The following REDIC1 variants were observed in gnomAD, a reference collection of about 807,000 sequenced individuals.
The protein encoded by REDIC1 is regulator of DNA class I crossover intermediates 1.
chr12:39,709,359 A>C, the REDIC1 span, among the ~76,000 whole-genome samples: 1 of 151,030 alleles, frequency 6.6e-6, no homozygotes, highest in African/African-American at 2.4e-5. Flanking sequence ...GTCTTTTTGC[A>C]TTATTGTTGC....
the REDIC1 span, among the ~76,000 whole-genome samples, chr12:39,708,297 A>G: frequency 6.6e-6 from 1 of 151,834 alleles, no homozygotes; most frequent in Admixed American, 6.6e-5. Context: ...CCTACTATGT[A>G]TCCACAAAAA....
the REDIC1 span, among the ~76,000 whole-genome samples, chr12:39,885,754 G>T: frequency 6.6e-6 from 1 of 152,082 alleles, no homozygotes; most frequent in Non-Finnish European, 1.5e-5. Context: ...GAGCAACATG[G>T]TTCTCAAACT....
chr12:39,900,913 G>A, the REDIC1 span, among the ~76,000 whole-genome samples: 4 of 152,144 alleles, frequency 2.6e-5, no homozygotes, highest in African/African-American at 9.7e-5. Flanking sequence ...AAAGCTGGAG[G>A]CATCACGCTA....
At chr12:39,903,068 A>G in the REDIC1 span, among the ~76,000 whole-genome samples, 8 of 152,166 alleles carry the variant, frequency 5.3e-5, no homozygotes, top group Admixed American at 5.2e-4. Context: ...TTAAAAGGCC[A>G]TAGGAACATC....
the REDIC1 span, among the ~76,000 whole-genome samples, chr12:39,801,065 G>GA: frequency 1.4e-4 from 4 of 29,430 alleles, no homozygotes; most frequent in East Asian, 2.8e-3. Flanking sequence ...ATGGACACAG[G>GA]AGGGGGAATA....
chr12:39,856,497 T>G, the REDIC1 span, among the ~76,000 whole-genome samples: 2 of 152,204 alleles, frequency 1.3e-5, no homozygotes, highest in Non-Finnish European at 2.9e-5. Flanking sequence ...GCCTCCCTAG[T>G]AGCTGGGACT....
the REDIC1 span, among the ~76,000 whole-genome samples, chr12:39,814,360 A>G: frequency 1.3e-5 from 2 of 152,184 alleles, no homozygotes; most frequent in Non-Finnish European, 2.9e-5. Context: ...ACTAGCCTAA[A>G]CTTTTTCCAA....
At chr12:39,754,137 T>G in the REDIC1 span, 5 of 152,138 alleles carry the variant, frequency 3.3e-5, no homozygotes, top group African/African-American at 1.2e-4. Context: ...AGACTTTTGG[T>G]GTAGTCACTG....
the REDIC1 span, among the ~76,000 whole-genome samples, chr12:39,729,946 T>A: frequency 6.6e-6 from 1 of 152,230 alleles, no homozygotes; most frequent in Non-Finnish European, 1.5e-5. Context: ...TCTTTGTTTG[T>A]TTAAAGTCTG....
chr12:39,713,381 T>C, the REDIC1 span, among the ~76,000 whole-genome samples: 2 of 143,342 alleles, frequency 1.4e-5, no homozygotes, highest in Admixed American at 6.9e-5. Context: ...CATATACATA[T>C]GTATGTGTGT....
chr12:39,659,688 A>ATTT, the REDIC1 span, among the ~76,000 whole-genome samples: 1 of 36,010 alleles, frequency 2.8e-5, no homozygotes, highest in African/African-American at 1.6e-4. Context: ...TAGTTATGAT[A>ATTT]ACTTTTAATG....
chr12:39,705,564 A>G, the REDIC1 span, among the ~76,000 whole-genome samples: 1 of 152,172 alleles, frequency 6.6e-6, no homozygotes, highest in Non-Finnish European at 1.5e-5. Context: ...AATCTTCAAC[A>G]AAATACTAGC....
At chr12:39,627,733 A>G in the REDIC1 span, among the ~76,000 whole-genome samples, 6 of 152,132 alleles carry the variant, frequency 3.9e-5, no homozygotes, top group Non-Finnish European at 8.8e-5. Context: ...ATTTATACAA[A>G]CGTCGAAGTC....
the REDIC1 span, among the ~76,000 whole-genome samples, chr12:39,693,023 A>G: frequency 1.3e-4 from 20 of 152,092 alleles, no homozygotes; most frequent in Non-Finnish European, 2.1e-4. Flanking sequence ...CTGATTACTA[A>G]TTAGGTTAAT....
chr12:39,885,855 C>T, the REDIC1 span, among the ~76,000 whole-genome samples: 1 of 152,150 alleles, frequency 6.6e-6, no homozygotes, highest in Non-Finnish European at 1.5e-5. Context: ...TCCTCCTACC[C>T]AGGATTCTGA....
the REDIC1 span, among the ~76,000 whole-genome samples, chr12:39,896,578 G>A: frequency 2.9e-4 from 41 of 141,838 alleles, 1 homozygote; most frequent in South Asian, 2.6e-3. Flanking sequence ...GTATGTATGT[G>A]TGTATATATG....
chr12:39,664,861 G>A, the REDIC1 span, among the ~76,000 whole-genome samples: 1 of 152,176 alleles, frequency 6.6e-6, no homozygotes, highest in African/African-American at 2.4e-5. Context: ...TCTGTTGGCT[G>A]CATAAATGTC....
chr12:39,837,586 A>C, the REDIC1 span, among the ~76,000 whole-genome samples: 19 of 146,808 alleles, frequency 1.3e-4, no homozygotes, highest in Non-Finnish European at 2.9e-4. Context: ...TTCACAACCT[A>C]CTCATCTGAC....
At chr12:39,640,262 C>T in the REDIC1 span, among the ~76,000 whole-genome samples, 11 of 151,798 alleles carry the variant, frequency 7.2e-5, no homozygotes, top group East Asian at 1.4e-3. Flanking sequence ...ACCCCTTTTA[C>T]CAAATGAGGA....
Sources: allele counts gnomAD v4.1 joint callset (sites outside exome capture counted in the v4.1 genomes callset), GRCh38; gene constraint gnomAD v4.1.1; transcripts MANE v1.5; gene names NCBI Gene and HGNC (gene_info 2026-07-23, HGNC 2026-07-21).